The following SCAMP2 variants were observed in gnomAD, a reference collection of about 807,000 sequenced individuals.
SCAMP2 encodes the protein secretory carrier membrane protein 2.
Under a neutral mutation model 44.1 loss-of-function variants are expected in SCAMP2, and 25 were observed. The ratio of observed to expected loss-of-function variants is 0.57; its 90% CI spans 0.41 to 0.79. SCAMP2 has a LOEUF of 0.79. Among genes scored for constraint, SCAMP2 ranks in the 30% least tolerant of loss-of-function variants. The pLI is 0.00. For missense variants in SCAMP2, 355 were observed against 411.0 expected (o/e 0.86, Z 1.18); for synonymous variants, 156 against 166.0 (o/e 0.94, Z 0.46).
At chr15:74,854,698 CA>C in intron 1 of SCAMP2, 49 bp from the exon 2 acceptor site, 1 of 1,522,972 alleles carries the variant, frequency 6.6e-7, no homozygotes, top group Non-Finnish European at 8.9e-7. Flanking sequence ...AAATCCGGGC[CA>C]GGGGCCGGCA....
rs772065533 is a variant in SCAMP2, at chr15:74,852,177, A to C, written c.235T>G (p.Ser79Ala). 1 of 1,542,798 alleles carries C rather than the reference A, an allele frequency of 6.5e-7. No homozygotes were observed. Among genetic ancestry groups the C allele is most frequent in the Non-Finnish European group, 8.7e-7 (1 of 1,145,270 alleles). ...PTQPTPQAVV[S>A]AAQAGLLRQQ... is the part of the protein sequence containing the mutation. ...CGGAGCAGGCCTGCCTGGGCTGCAG[A>C]CACCACGGCCTGGAGAGAACAGGGG... The change falls in exon 4 of 9, where the codon TCT (serine) becomes GCT (alanine). Residue 79 changes from serine (S) to alanine (A), a missense_variant. Physicochemically the swap from Ser to Ala is moderately conservative, Grantham distance 99. Coordinates refer to ENST00000268099, the MANE Select transcript of SCAMP2 (RefSeq NM_005697.5).
At position 74,844,998 on chromosome 15, in the gene SCAMP2, AACC is replaced by A; in HGVS notation, c.*82_*84del. On this transcript the variant is annotated 3_prime_UTR_variant, in exon 9 of 9. Transcript: ENST00000268099. The stretch of plus-strand genomic sequence containing the variant: ...ACCCTGCCAGGTCTGTGCTGGGCAC[AACC>A]ACCACCACATAAGGCACCCACGGAA... 2.7e-6 allele frequency: 4 copies of A among 1,478,628 alleles called. No individual in the cohort carries two copies. The highest frequency in any genetic ancestry group is 3.7e-6 in the Non-Finnish European group (4 of 1,081,454). The allele number at this position is 1,478,628 out of a possible 1,614,324, so 91.6% of individuals were successfully genotyped here.
intron 6 of SCAMP2, 21 bp downstream of exon 6, chr15:74,850,493 C>A: frequency 3.1e-6 from 5 of 1,612,230 alleles, no homozygotes; most frequent in Non-Finnish European, 4.2e-6. Context: ...AAGTCTCACC[C>A]CTTGCCCCGG....
intron 3 of SCAMP2, chr15:74,853,715 GC>G (rs2064450306): frequency 2.1e-6 from 1 of 470,858 alleles, no homozygotes; most frequent in Non-Finnish European, 3.9e-6. Context: ...CAAGCCAAAG[GC>G]CCGAGGAGGA....
intron 8 of SCAMP2, 60 bp from the exon 9 acceptor site, chr15:74,845,277 A>G (rs2064391524): frequency 1.9e-6 from 3 of 1,597,544 alleles, no homozygotes. Context: ...GAAGCCAGCC[A>G]TCCAGGTTAT....
intron 1 of SCAMP2, among the ~76,000 whole-genome samples, chr15:74,871,651 C>T (rs912917306): frequency 2.0e-5 from 3 of 151,974 alleles, no homozygotes; most frequent in African/African-American, 7.3e-5. Flanking sequence ...ACTCAGGAGG[C>T]TGAGGAAGGA....
intron 1 of SCAMP2, among the ~76,000 whole-genome samples, chr15:74,868,870 A>C (rs1201401983): frequency 6.6e-6 from 1 of 152,198 alleles, no homozygotes; most frequent in Non-Finnish European, 1.5e-5. Flanking sequence ...TGAAAAAACA[A>C]ACAGGCTGGG....
intron 1 of SCAMP2, among the ~76,000 whole-genome samples, chr15:74,864,515 C>T (rs1001626689): frequency 6.6e-6 from 1 of 152,058 alleles, no homozygotes; most frequent in Non-Finnish European, 1.5e-5. Flanking sequence ...CTACAGGCAA[C>T]GGGGAACAAC....
intron 1 of SCAMP2, among the ~76,000 whole-genome samples, chr15:74,860,602 C>T (rs1460362968): frequency 2.0e-5 from 3 of 149,690 alleles, no homozygotes; most frequent in Middle Eastern, 3.3e-3. Context: ...GCAGGAGAAT[C>T]GCTTGAACTG....
At chr15:74,865,392 AAAG>A (rs2064535735) in intron 1 of SCAMP2, among the ~76,000 whole-genome samples, 2 of 151,048 alleles carry the variant, frequency 1.3e-5, no homozygotes. Flanking sequence ...AAAAAAAAAA[AAAG>A]AAAAGAAAAG....
chr15:74,872,445 C>T (rs1034631004), intron 1 of SCAMP2, among the ~76,000 whole-genome samples: 3 of 151,982 alleles, frequency 2.0e-5, no homozygotes, highest in African/African-American at 7.3e-5. Flanking sequence ...CCAGCTCACA[C>T]GTCAGTGCAT....
chr15:74,850,506 T>A lies in SCAMP2; in HGVS notation c.632+8A>T. 1 of 1,613,498 alleles carries A rather than the reference T, an allele frequency of 6.2e-7. No individual in the cohort carries two copies. Among genetic ancestry groups the A allele is most frequent in the Non-Finnish European group, 8.5e-7 (1 of 1,179,620 alleles). ...TAAAGTCTCACCCCTTGCCCCGGCC[T>A]CACTCACCTAAAGGCCTTATAGATG... On this transcript the variant is annotated splice_region_variant and intron_variant, in intron 6 of 8. Transcript: ENST00000268099.
At chr15:74,865,209 C>T (rs1423589368) in intron 1 of SCAMP2, among the ~76,000 whole-genome samples, 1 of 151,238 alleles carries the variant, frequency 6.6e-6, no homozygotes, top group Non-Finnish European at 1.5e-5. Context: ...AGTGAAACCC[C>T]ATCTCTACTG....
At chr15:74,859,382 G>A (rs767064595) in intron 1 of SCAMP2, among the ~76,000 whole-genome samples, 1 of 152,102 alleles carries the variant, frequency 6.6e-6, no homozygotes, top group East Asian at 1.9e-4. Context: ...GGGGTGCTGG[G>A]GACCACGGCA....
At chr15:74,848,441 A>C in intron 7 of SCAMP2, 159 bp downstream of exon 7, 1 of 538,046 alleles carries the variant, frequency 1.9e-6, no homozygotes, top group East Asian at 3.1e-5. Context: ...GAAGAACTGG[A>C]GAGAAGGCCC....
In SCAMP2 at chr15:74,854,081, A is replaced by G. The variant is rs2064452790; in HGVS notation, c.165T>C (p.Pro55=). The stretch of plus-strand genomic sequence containing the variant: ...GGAGAACCGCTGGCTGTGAGGACCC[A>G]GGGAGTTGGGTGACAGGAACTGTTG... The part of the protein sequence containing the change: ...AATTVPVTQL[P]GSSQPAVLQP... Residue 55 remains proline, a synonymous_variant, in exon 3 of 9, where the codon CCT becomes CCC. Transcript: ENST00000268099. 1 of 1,614,072 alleles carries G rather than the reference A, an allele frequency of 6.2e-7. No homozygotes were observed. The highest frequency in any genetic ancestry group is 1.3e-5 in the African/African-American group (1 of 74,936).
rs966397308 is a variant in SCAMP2 at position 74,852,130 on chromosome 15, C to T, written c.282G>A (p.Arg94=). 13 of 1,591,222 alleles carry T rather than the reference C, an allele frequency of 8.2e-6. No individual in the cohort carries two copies. In the African/African-American group the frequency reaches 1.4e-4, roughly 17 times the overall value. Reference sequence around the variant, plus strand: ...CCTTGCGTTCCAGCTCGGCAGCTTTCCTGTCCAGTTCTTCCTGCTGCCGGA... The same window carrying T: ...CCTTGCGTTCCAGCTCGGCAGCTTTTCTGTCCAGTTCTTCCTGCTGCCGGA... ...GLLRQQEELD[R]KAAELERKER... is the part of the protein sequence containing the mutation. The change falls in exon 4 of 9, where the codon AGG becomes AGA. Residue 94 remains arginine (R), a synonymous_variant. Transcript: ENST00000268099.
chr15:74,853,933 C>G lies in SCAMP2; in HGVS notation c.225+88G>C. On this transcript the variant is annotated intron_variant, in intron 3 of 8. Coordinates refer to ENST00000268099, the MANE Select transcript of SCAMP2 (RefSeq NM_005697.5). ...TTAGGGGGCCAAGGCTGAAAGCTCT[C>G]TGCTTGCCCCCAGCCTCAGGGCTCA... 1.5e-5 allele frequency: 18 copies of G among 1,221,978 alleles called. No homozygotes were observed. The South Asian group carries it at 2.0e-4, about 13-fold the overall frequency. 75.7% of individuals were successfully genotyped at this position (1,221,978 alleles called of 1,614,324 possible).
In SCAMP2 at chr15:74,851,439, A is replaced by G. The variant is rs1567250044; in HGVS notation, c.386T>C (p.Val129Ala). The G allele has an allele frequency of 6.2e-7, 1 of 1,614,042 alleles. No individual in the cohort carries two copies. ...NWPPLPSWCP[V>A]KPCFYQDFST... is the part of the protein sequence containing the mutation. ...GAAATCCTGATAGAAGCAGGGCTTC[A>G]CAGGGCACCACGAGGGCAGAGGGGG... Residue 129 changes from valine (V) to alanine (A), a missense_variant, in exon 5 of 9, where the codon GTG becomes GCG. Val to Ala is a moderately conservative substitution (Grantham distance 64, BLOSUM62 0). Coordinates refer to ENST00000268099, the MANE Select transcript of SCAMP2 (RefSeq NM_005697.5).
Sources: gnomAD v4.1 joint callset for allele counts (sites outside exome capture counted in the v4.1 genomes callset) on GRCh38, gnomAD v4.1.1 for gene constraint, MANE v1.5 for transcripts, NCBI Gene and HGNC (gene_info 2026-07-23, HGNC 2026-07-21) for gene names.